The following FKBP9 variants were observed in gnomAD, a reference collection of about 807,000 sequenced individuals.
The protein encoded by FKBP9 is FKBP prolyl isomerase 9.
In FKBP9, 27 loss-of-function variants were observed where a neutral mutation model predicts 55.6. That is an observed-to-expected ratio of 0.49 (90% CI 0.36 to 0.67). FKBP9 has a LOEUF of 0.67. Ranked by LOEUF, FKBP9 falls within the 30% of genes least tolerant of loss-of-function variation. The pLI is 0.00. For synonymous variants in FKBP9, 267 were observed against 296.5 expected (o/e 0.90, Z 1.02); for missense variants, 539 against 742.8 (o/e 0.73, Z 3.19).
chr7:32,992,536 G>C (rs1001739688), intron 6 of FKBP9, among the ~76,000 whole-genome samples: 1 of 152,262 alleles, frequency 6.6e-6, no homozygotes, highest in African/African-American at 2.4e-5. Context: ...ATACAGAGAG[G>C]AGGTTGGTGT....
At chr7:32,972,548 A>T (rs1322729980) in intron 1 of FKBP9, among the ~76,000 whole-genome samples, 2 of 152,250 alleles carry the variant, frequency 1.3e-5, no homozygotes, top group African/African-American at 2.4e-5. Flanking sequence ...ATAATTAATT[A>T]CATTATCATT....
chr7:33,003,074 G>C, intron 9 of FKBP9: 1 of 499,236 alleles, frequency 2.0e-6, no homozygotes, highest in Non-Finnish European at 3.6e-6. Flanking sequence ...CATGATTCCA[G>C]GGCATACAGT....
At chr7:32,976,522 G>C in intron 4 of FKBP9, 23 bp downstream of exon 4, 1 of 1,569,516 alleles carries the variant, frequency 6.4e-7, no homozygotes, top group Non-Finnish European at 8.6e-7. Context: ...CCTTCTTGGA[G>C]CCACTCTTTC....
At chr7:33,004,456 T>C (rs1583875864) in intron 9 of FKBP9, among the ~76,000 whole-genome samples, 2 of 152,316 alleles carry the variant, frequency 1.3e-5, no homozygotes, top group Middle Eastern at 6.8e-3. Flanking sequence ...GCGTCCACCT[T>C]GAGCCCTGGC....
At chr7:32,959,829 C>T (rs1393593994) in intron 1 of FKBP9, among the ~76,000 whole-genome samples, 2 of 152,080 alleles carry the variant, frequency 1.3e-5, no homozygotes, top group African/African-American at 4.8e-5. Flanking sequence ...TCCATTGTGT[C>T]CATTCATCAG....
chr7:32,959,188 G>C (rs1470174478), intron 1 of FKBP9, among the ~76,000 whole-genome samples: 5 of 152,000 alleles, frequency 3.3e-5, no homozygotes, highest in African/African-American at 1.2e-4. Flanking sequence ...GGCGGATCAC[G>C]AGGTCAGGAG....
chr7:32,996,681 C>G (rs1267635113), intron 7 of FKBP9, among the ~76,000 whole-genome samples: 2 of 131,684 alleles, frequency 1.5e-5, no homozygotes, highest in African/African-American at 5.6e-5. Context: ...TCCCTCCCTT[C>G]CTCTTCTTTC....
chr7:32,961,052 C>A (rs373949113), intron 1 of FKBP9, among the ~76,000 whole-genome samples: 14 of 152,130 alleles, frequency 9.2e-5, no homozygotes, highest in African/African-American at 3.4e-4. Flanking sequence ...AGTTCATGGC[C>A]ATAATCTATG....
chr7:32,986,539 G>A (rs1784584610), intron 5 of FKBP9, among the ~76,000 whole-genome samples: 1 of 152,258 alleles, frequency 6.6e-6, no homozygotes, highest in South Asian at 2.1e-4. Flanking sequence ...CAGTGCACCA[G>A]GAGGAGGATT....
At chr7:32,980,622 C>G in intron 5 of FKBP9, 69 bp downstream of exon 5, 2 of 1,567,058 alleles carry the variant, frequency 1.3e-6, no homozygotes, top group Non-Finnish European at 1.7e-6. Flanking sequence ...TTGGCTGGAC[C>G]ATGATTTAAA....
chr7:32,996,239 C>T lies in FKBP9; in HGVS notation c.1116C>T (p.Ser372=). The change falls in exon 7 of 10, where the codon AGC becomes AGT. Residue 372 remains serine (S), a synonymous_variant. Transcript: ENST00000242209. ...TCCACAACCCTTCGGACTCCATCAG[C>T]ATCACCTCCCACTACAAACCCCCTG... The part of the protein sequence containing the change: ...IDFHNPSDSI[S]ITSHYKPPDC... 3 of 1,614,060 alleles carry T rather than the reference C, an allele frequency of 1.9e-6. No individual in the cohort carries two copies. Among genetic ancestry groups the T allele is most frequent in the Non-Finnish European group, 1.7e-6 (2 of 1,179,908 alleles).
rs1554284333 is a variant in FKBP9, at chr7:32,965,832, T to TATATATATATGTGTACAC, written c.221+8048_221+8049insGTGTACACATATATATAT. Among the ~76,000 whole-genome samples the TATATATATATGTGTACAC allele has an allele frequency of 9.0e-4, 39 of 43,480 alleles. 1 individual carries two copies. The highest frequency in any genetic ancestry group is 1.4e-3 in the Non-Finnish European group (32 of 23,248). 28.5% of individuals were successfully genotyped at this position (43,480 alleles called of 152,430 possible). On this transcript the variant is annotated intron_variant, in intron 1 of 9. Transcript: ENST00000242209. ...AAAAAAATATATATATATATATATA[T>TATATATATATGTGTACAC]ATATATATATATGTGTGTACAGATA...
intron 4 of FKBP9, chr7:32,979,507 G>A (rs13232619): frequency 3.2e-5 from 50 of 1,550,354 alleles, no homozygotes; most frequent in Middle Eastern, 1.7e-4. Flanking sequence ...CCAAAGGCCA[G>A]TGGAAGGAGC....
chr7:32,996,452 T>G (rs1401850022), intron 7 of FKBP9, 103 bp downstream of exon 7: 1 of 698,158 alleles, frequency 1.4e-6, no homozygotes, highest in African/African-American at 1.8e-5. Flanking sequence ...AGCTTTTATC[T>G]CCATGCTGCC....
intron 4 of FKBP9, among the ~76,000 whole-genome samples, chr7:32,977,214 G>A (rs1364233449): frequency 2.6e-5 from 4 of 152,194 alleles, no homozygotes; most frequent in Non-Finnish European, 5.9e-5. Flanking sequence ...TTTCAGGTGC[G>A]TTTAGTCATA....
chr7:32,973,679 G>GT lies in FKBP9; in HGVS notation c.222-936dup, dbSNP rs1562565476. Reference sequence around the variant, plus strand: ...TATAGAAAATGAAATGAAGTTTTTTGTTGTTTTTTTTTTTTTTTTTTTTTT... The same window carrying GT: ...TATAGAAAATGAAATGAAGTTTTTTGTTTGTTTTTTTTTTTTTTTTTTTTTT... On this transcript the variant is annotated intron_variant, in intron 1 of 9. Transcript: ENST00000242209. Among the ~76,000 whole-genome samples the GT allele has an allele frequency of 1.3e-4, 8 of 63,952 alleles. 1 individual carries two copies. The East Asian group carries it at 4.2e-3, about 34-fold the overall frequency. The allele number at this position is 63,952 out of a possible 152,430, so 42.0% of individuals were successfully genotyped here. A position where few individuals can be genotyped will look rare whatever the true frequency, so the allele number is the denominator to read the frequency against.
chr7:32,962,842 A>T (rs1281999640), intron 1 of FKBP9, among the ~76,000 whole-genome samples: 1 of 133,290 alleles, frequency 7.5e-6, no homozygotes, highest in Non-Finnish European at 1.5e-5. Context: ...GTAAAGTAGA[A>T]GTTGGTGAGG....
intron 6 of FKBP9, among the ~76,000 whole-genome samples, chr7:32,994,177 T>C (rs565416916): frequency 6.6e-6 from 1 of 152,210 alleles, no homozygotes; most frequent in Admixed American, 6.5e-5. Flanking sequence ...CTCTACCTAA[T>C]TCCAGCACAG....
At chr7:32,974,318 G>A (rs976979801) in intron 1 of FKBP9, among the ~76,000 whole-genome samples, 14 of 151,654 alleles carry the variant, frequency 9.2e-5, no homozygotes, top group Admixed American at 9.2e-4. Context: ...TTTTTTGTGT[G>A]TGTGAAAGAA....
Sources: allele counts gnomAD v4.1 joint callset (sites outside exome capture counted in the v4.1 genomes callset), GRCh38; gene constraint gnomAD v4.1.1; transcripts MANE v1.5; gene names NCBI Gene and HGNC (gene_info 2026-07-23, HGNC 2026-07-21).